SLC25A20: variants seen among roughly 807,000 people sequenced by gnomAD.
SLC25A20 encodes mitochondrial carnitine/acylcarnitine carrier protein.
Under a neutral mutation model 39.7 loss-of-function variants are expected in SLC25A20, and 29 were observed. The observed-to-expected ratio is 0.73, with a 90% CI of 0.54 to 1.00. SLC25A20 has a LOEUF of 1.00. Ranked by LOEUF, SLC25A20 falls within the 50% of genes least tolerant of loss-of-function variation. The pLI, the probability that SLC25A20 is intolerant of heterozygous loss-of-function variation, is 0.00. For synonymous variants in SLC25A20, 103 were observed against 142.2 expected (o/e 0.72, Z 1.96); for missense variants, 333 against 379.9 (o/e 0.88, Z 1.03).
At chr3:48,880,806 G>C (rs961823075) in intron 3 of SLC25A20, among the ~76,000 whole-genome samples, 2 of 151,640 alleles carry the variant, frequency 1.3e-5, no homozygotes, top group Non-Finnish European at 2.9e-5. Context: ...GGGCTCAAGT[G>C]ATCCTCCTGC....
At chr3:48,874,693 T>C (rs577706785) in intron 4 of SLC25A20, among the ~76,000 whole-genome samples, 3 of 152,262 alleles carry the variant, frequency 2.0e-5, no homozygotes, top group Admixed American at 1.3e-4. Flanking sequence ...ATGACTACTA[T>C]TCAGCAATAA....
chr3:48,866,451 G>C (rs2083669740), intron 4 of SLC25A20, among the ~76,000 whole-genome samples: 1 of 152,008 alleles, frequency 6.6e-6, no homozygotes, highest in African/African-American at 2.4e-5. Flanking sequence ...CTACTCGGGA[G>C]GCTGAGGCAG....
At chr3:48,865,802 A>G (rs1400173101) in intron 4 of SLC25A20, among the ~76,000 whole-genome samples, 1 of 150,572 alleles carries the variant, frequency 6.6e-6, no homozygotes, top group African/African-American at 2.4e-5. Context: ...GAAAAGAAAG[A>G]TAAGTACTGA....
At chr3:48,889,789 CATT>C (rs2083859855) in intron 2 of SLC25A20, among the ~76,000 whole-genome samples, 1 of 152,142 alleles carries the variant, frequency 6.6e-6, no homozygotes, top group Non-Finnish European at 1.5e-5. Context: ...CATTATCAAT[CATT>C]AGTATAAACA....
chr3:48,873,374 G>A (rs1441814515), intron 4 of SLC25A20, among the ~76,000 whole-genome samples: 1 of 151,948 alleles, frequency 6.6e-6, no homozygotes, highest in African/African-American at 2.4e-5. Context: ...ACTTTGGGAG[G>A]CCAAGGAGGG....
chr3:48,871,907 C>A (rs1041137080), intron 4 of SLC25A20, among the ~76,000 whole-genome samples: 26 of 150,982 alleles, frequency 1.7e-4, no homozygotes, highest in Non-Finnish European at 3.1e-4. Flanking sequence ...GCAGCCTTAA[C>A]TTCCTGGGCT....
chr3:48,862,940 C>T (rs924039025), intron 4 of SLC25A20, among the ~76,000 whole-genome samples: 8 of 152,090 alleles, frequency 5.3e-5, no homozygotes, highest in Non-Finnish European at 1.5e-5. Flanking sequence ...GCCTATAATC[C>T]CAGCACTTTG....
chr3:48,868,458 C>T (rs1457012430), intron 4 of SLC25A20, among the ~76,000 whole-genome samples: 1 of 152,060 alleles, frequency 6.6e-6, no homozygotes, highest in East Asian at 1.9e-4. Context: ...ATTCCTCCTG[C>T]TAACTACAAC....
intron 4 of SLC25A20, among the ~76,000 whole-genome samples, chr3:48,865,595 T>TAA (rs766275901): frequency 0.05 from 4,245 of 85,020 alleles, 307 homozygotes; most frequent in African/African-American, 0.17. Context: ...ACCCTGTTTC[T>TAA]AAAAAAAAAA....
chr3:48,894,480 C>A (rs2083899158), intron 1 of SLC25A20, among the ~76,000 whole-genome samples: 1 of 150,792 alleles, frequency 6.6e-6, no homozygotes, highest in Admixed American at 6.7e-5. Context: ...GCTGTGTTGG[C>A]CAGACTGGTC....
At chr3:48,869,816 A>G (rs2083701270) in intron 4 of SLC25A20, among the ~76,000 whole-genome samples, 1 of 152,046 alleles carries the variant, frequency 6.6e-6, no homozygotes, top group African/African-American at 2.4e-5. Context: ...GTCTCTAGAA[A>G]AAAGAGAAAG....
rs1489271170 is a variant in SLC25A20 at position 48,884,113 on chromosome 3, C to A, written c.210G>T (p.Gly70=). 6.2e-7 allele frequency: 1 copy of A among 1,613,338 alleles called. No homozygotes were observed. The highest frequency in any genetic ancestry group is 1.1e-5 in the South Asian group (1 of 91,080). ...TAGGGGCAGCCATTCCCCGATATAG[C>A]CCCGTGATGCCCTGCAAGGAATCAC... ...RKTLFREGIT[G]LYRGMAAPII... The change falls in exon 3 of 9, where the codon GGG becomes GGT. Residue 70 remains glycine (G), a synonymous_variant. Transcript: ENST00000319017.
chr3:48,874,464 CAA>C (rs1220746425), intron 4 of SLC25A20, among the ~76,000 whole-genome samples: 4 of 128,518 alleles, frequency 3.1e-5, no homozygotes, highest in Non-Finnish European at 5.0e-5. Flanking sequence ...AGACCTTGTC[CAA>C]AAAAAAAAAA....
chr3:48,868,987 G>C (rs1369148847), intron 4 of SLC25A20, among the ~76,000 whole-genome samples: 1 of 152,122 alleles, frequency 6.6e-6, no homozygotes, highest in African/African-American at 2.4e-5. Context: ...TGCCACCCTA[G>C]AGTGCTAGTG....
intron 2 of SLC25A20, among the ~76,000 whole-genome samples, chr3:48,889,944 C>A (rs1480196098): frequency 1.3e-5 from 2 of 152,162 alleles, no homozygotes; most frequent in Non-Finnish European, 2.9e-5. Context: ...CTGTCACGCC[C>A]GCATAAGGGC....
intron 1 of SLC25A20, among the ~76,000 whole-genome samples, chr3:48,893,993 T>C (rs1287041184): frequency 1.3e-5 from 2 of 150,870 alleles, no homozygotes; most frequent in African/African-American, 4.9e-5. Flanking sequence ...AAACCCTGTC[T>C]CCACTAAAAA....
At position 48,884,003 on chromosome 3, in the gene SLC25A20, A is replaced by T; in HGVS notation, c.320T>A (p.Val107Glu). ...CTGACCTGTAAGTACTCACCTGAGC[A>T]CATCTTCTGGGTGTTTCTGTTGTAG... is the stretch of plus-strand genomic sequence containing the variant. Reference protein sequence around the residue: ...KKLQQKHPEDVLSYPQLFAAG... With the variant: ...KKLQQKHPEDELSYPQLFAAG... The change falls in exon 3 of 9, where the codon GTG becomes GAG. Residue 107 changes from valine (V) to glutamate (E), a missense_variant. By Grantham distance (121) the Val-to-Glu change is moderately radical (BLOSUM62 -2). Transcript: ENST00000319017. The T allele has an allele frequency of 6.2e-7, 1 of 1,613,574 alleles. No individual in the cohort carries two copies. The highest frequency in any genetic ancestry group is 1.1e-5 in the South Asian group (1 of 91,068).
At chr3:48,895,619 C>A (rs1013507016) in intron 1 of SLC25A20, 1 of 234,470 alleles carries the variant, frequency 4.3e-6, no homozygotes, top group Non-Finnish European at 8.9e-6. Context: ...TTAATAATTT[C>A]TTTAGAATTT....
chr3:48,874,994 G>A (rs141834977), intron 4 of SLC25A20, among the ~76,000 whole-genome samples: 2,974 of 150,400 alleles, frequency 0.02, 40 homozygotes, highest in Middle Eastern at 0.034. Context: ...ACCAGGAGGC[G>A]GAGGTTGCAG....
Sources: allele counts gnomAD v4.1 joint callset (sites outside exome capture counted in the v4.1 genomes callset), GRCh38; gene constraint gnomAD v4.1.1; transcripts MANE v1.5; gene names NCBI Gene and HGNC (gene_info 2026-07-23, HGNC 2026-07-21).